TBC1D10A: variants seen among roughly 807,000 people sequenced by gnomAD.
TBC1D10A encodes EBP50-PDX interactor of 64 kDa.
Under a neutral mutation model 52.9 loss-of-function variants are expected in TBC1D10A, and 24 were observed. That is an observed-to-expected ratio of 0.45 (90% CI 0.33 to 0.64). The LOEUF (loss-of-function observed/expected upper bound fraction) is 0.64. Ranked by LOEUF, TBC1D10A falls within the 30% of genes least tolerant of loss-of-function variation. The pLI is 0.02. For synonymous variants in TBC1D10A, 278 were observed against 282.9 expected (o/e 0.98, Z 0.17); for missense variants, 602 against 687.9 (o/e 0.88, Z 1.40).
intron 1 of TBC1D10A, 114 bp downstream of exon 1, chr22:30,326,559 T>G: frequency 9.9e-7 from 1 of 1,012,228 alleles, no homozygotes; most frequent in South Asian, 1.7e-5. Flanking sequence ...GAACGGGGAT[T>G]AGTGGTCCCT....
chr22:30,322,834 G>A (rs1293122160), intron 1 of TBC1D10A, among the ~76,000 whole-genome samples: 3 of 150,622 alleles, frequency 2.0e-5, no homozygotes, highest in Admixed American at 1.3e-4. Context: ...GGGCTCAAGC[G>A]ATCGCCTGCC....
intron 1 of TBC1D10A, among the ~76,000 whole-genome samples, chr22:30,323,710 A>T (rs1320019495): frequency 1.3e-5 from 2 of 151,932 alleles, no homozygotes; most frequent in Non-Finnish European, 2.9e-5. Flanking sequence ...TCATGCCTGT[A>T]AACCCAGCAC....
intron 1 of TBC1D10A, among the ~76,000 whole-genome samples, chr22:30,312,984 G>A (rs993233311): frequency 2.6e-5 from 4 of 152,156 alleles, no homozygotes; most frequent in African/African-American, 9.7e-5. Context: ...CATGTAGAAG[G>A]GGCTAGGAGA....
intron 1 of TBC1D10A, among the ~76,000 whole-genome samples, chr22:30,324,840 T>C (rs1930732964): frequency 6.6e-6 from 1 of 152,186 alleles, no homozygotes; most frequent in Admixed American, 6.5e-5. Flanking sequence ...GTCACAAAGC[T>C]AGCAAGTGTA....
chr22:30,321,117 C>T (rs191004911), intron 1 of TBC1D10A, among the ~76,000 whole-genome samples: 9 of 152,372 alleles, frequency 5.9e-5, no homozygotes, highest in Admixed American at 5.2e-4. Flanking sequence ...ACTCAGGCAC[C>T]TTCCCAGGGT....
intron 1 of TBC1D10A, among the ~76,000 whole-genome samples, chr22:30,325,484 A>G (rs1930748278): frequency 6.6e-6 from 1 of 152,176 alleles, no homozygotes; most frequent in Admixed American, 6.5e-5. Context: ...AGGAGCTCCT[A>G]CTGGTGATTG....
chr22:30,314,103 G>T (rs1379454066), intron 1 of TBC1D10A, among the ~76,000 whole-genome samples: 1 of 152,106 alleles, frequency 6.6e-6, no homozygotes. Context: ...TGTGAATAAG[G>T]AAACTCAGGT....
At chr22:30,293,299 G>A (rs373249558) in intron 8 of TBC1D10A, 5 of 605,760 alleles carry the variant, frequency 8.3e-6, no homozygotes, top group Admixed American at 4.3e-5. Flanking sequence ...AGCTGGTCAC[G>A]CATGTTCCAC....
At chr22:30,316,605 A>T (rs1930542683) in intron 1 of TBC1D10A, among the ~76,000 whole-genome samples, 1 of 152,072 alleles carries the variant, frequency 6.6e-6, no homozygotes, top group South Asian at 2.1e-4. Context: ...GGTGCGCACC[A>T]CTATGCCCAG....
chr22:30,304,807 C>T (rs1202480566), intron 1 of TBC1D10A, among the ~76,000 whole-genome samples, 177 bp from the exon 2 acceptor site: 1 of 152,230 alleles, frequency 6.6e-6, no homozygotes. Context: ...ACGCCACCTC[C>T]CCATCCACCG....
chr22:30,306,346 T>C (rs1056870652), intron 1 of TBC1D10A, among the ~76,000 whole-genome samples: 3 of 152,224 alleles, frequency 2.0e-5, no homozygotes, highest in Admixed American at 2.0e-4. Context: ...GTCTATCTGA[T>C]ACCTCAACCC....
intron 2 of TBC1D10A, chr22:30,299,875 G>C: frequency 4.7e-6 from 1 of 211,266 alleles, no homozygotes; most frequent in Non-Finnish European, 9.7e-6. Flanking sequence ...GCTAAGGCAG[G>C]AGAATCATTT....
intron 1 of TBC1D10A, among the ~76,000 whole-genome samples, chr22:30,310,939 A>G (rs1930413037): frequency 6.6e-6 from 1 of 152,068 alleles, no homozygotes; most frequent in Non-Finnish European, 1.5e-5. Flanking sequence ...AACCCCTCAC[A>G]CTTGGGTCTC....
Position 30,301,692 on chromosome 22 carries a change from TG to T in TBC1D10A, c.310-2142del, listed in dbSNP as rs1341965286. ...GGGAGTACAGAAGCCCTGGCCTTCCTGGGGACCAGTGCAAACAAGAGAAAAC... is the reference window on the plus strand; with the variant it reads ...GGGAGTACAGAAGCCCTGGCCTTCCTGGGACCAGTGCAAACAAGAGAAAAC... On this transcript the variant is annotated intron_variant, in intron 2 of 8. Coordinates refer to ENST00000215790, the MANE Select transcript of TBC1D10A (RefSeq NM_031937.3). Among the ~76,000 whole-genome samples the T allele has an allele frequency of 4.6e-5, 7 of 152,272 alleles. No homozygotes were observed. The East Asian group carries it at 1.4e-3, about 29-fold the overall frequency.
intron 1 of TBC1D10A, among the ~76,000 whole-genome samples, chr22:30,319,859 C>G (rs576560577): frequency 6.6e-6 from 1 of 152,306 alleles, no homozygotes; most frequent in African/African-American, 2.4e-5. Flanking sequence ...ATAAAGTGAT[C>G]AGCTAGGACA....
chr22:30,326,545 G>T (rs1241839080), intron 1 of TBC1D10A, 128 bp downstream of exon 1: 27 of 873,108 alleles, frequency 3.1e-5, no homozygotes, highest in Non-Finnish European at 4.3e-5. Context: ...TGGGGCAGGG[G>T]AGGGAACGGG....
intron 1 of TBC1D10A, 155 bp from the exon 2 acceptor site, chr22:30,304,785 A>T: frequency 7.3e-7 from 1 of 1,371,710 alleles, no homozygotes; most frequent in Admixed American, 3.1e-5. Flanking sequence ...CCTATTGCAG[A>T]TGAGAGGGAA....
At chr22:30,314,338 T>C (rs1026886870) in intron 1 of TBC1D10A, among the ~76,000 whole-genome samples, 5 of 152,228 alleles carry the variant, frequency 3.3e-5, no homozygotes, top group Non-Finnish European at 5.9e-5. Context: ...TCTCTGGGAC[T>C]TGGTTTCTGC....
chr22:30,299,854 C>T (rs889991371), intron 2 of TBC1D10A: 9 of 233,554 alleles, frequency 3.9e-5, no homozygotes, highest in Non-Finnish European at 6.0e-5. Flanking sequence ...GTAATCCTAG[C>T]GACTCGGGAG....
Sources: gnomAD v4.1 joint callset for allele counts (sites outside exome capture counted in the v4.1 genomes callset) on GRCh38, gnomAD v4.1.1 for gene constraint, MANE v1.5 for transcripts, NCBI Gene and HGNC (gene_info 2026-07-23, HGNC 2026-07-21) for gene names.